The following DSCAM variants were observed in gnomAD, a reference collection of about 807,000 sequenced individuals.
DSCAM encodes cell adhesion molecule DSCAM.
A neutral mutation model predicts 217.7 loss-of-function variants in DSCAM; 47 were observed. That is an observed-to-expected ratio of 0.22 (90% CI 0.17 to 0.28). DSCAM has a LOEUF of 0.28. Ranked by LOEUF, DSCAM falls within the 10% of genes least tolerant of loss-of-function variation. The probability of loss-of-function intolerance (pLI) is 1.00; values close to 1 mark genes in which losing one functional copy is unlikely to be tolerated. For missense variants in DSCAM, 2,080 were observed against 2,618.3 expected (o/e 0.79, Z 4.49); for synonymous variants, 1,056 against 1,015.3 (o/e 1.04, Z -0.76).
chr21:40,511,719 C>T (rs569087777), intron 3 of DSCAM, among the ~76,000 whole-genome samples: 208 of 151,900 alleles, frequency 1.4e-3, no homozygotes, highest in Non-Finnish European at 2.3e-3. Flanking sequence ...CGGCCGGGCG[C>T]GGTGGCTCAC....
chr21:40,431,728 G>GCTA lies in DSCAM; in HGVS notation c.509-62486_509-62484dup, dbSNP rs1185392189. Among the ~76,000 whole-genome samples, 11 of 152,286 alleles carry GCTA rather than the reference G, an allele frequency of 7.2e-5. No homozygotes were observed. In the East Asian group the frequency reaches 2.1e-3, roughly 29 times the overall value. On this transcript the variant is annotated intron_variant, in intron 3 of 32. Coordinates refer to ENST00000400454, the MANE Select transcript of DSCAM (RefSeq NM_001389.5). The stretch of plus-strand genomic sequence containing the variant: ...CAGTAAGGCTTCCAGTCAGCAGTAG[G>GCTA]CTACTATATTGAAGTTTTGGGGAGT...
chr21:40,202,022 T>C lies in DSCAM; in HGVS notation c.2357-12784A>G, dbSNP rs577500383. Among the ~76,000 whole-genome samples the C allele has an allele frequency of 2.6e-5, 4 of 152,340 alleles. No homozygotes were observed. The South Asian group carries it at 6.2e-4, about 24-fold the overall frequency. ...CAGATTATAAAAGGACTGTAGCTTCTACCTTCTACTTGGGTGCCCCAGTTC... is the reference window on the plus strand; with the variant it reads ...CAGATTATAAAAGGACTGTAGCTTCCACCTTCTACTTGGGTGCCCCAGTTC... On this transcript the variant is annotated intron_variant, in intron 11 of 32. Coordinates refer to ENST00000400454, the MANE Select transcript of DSCAM (RefSeq NM_001389.5).
At chr21:40,575,389 C>T (rs1227900624) in intron 3 of DSCAM, among the ~76,000 whole-genome samples, 1 of 152,072 alleles carries the variant, frequency 6.6e-6, no homozygotes, top group African/African-American at 2.4e-5. Flanking sequence ...TTGGTGATCT[C>T]TTCACACGGA....
intron 20 of DSCAM, among the ~76,000 whole-genome samples, chr21:40,104,045 C>A (rs1379690653): frequency 2.6e-5 from 4 of 152,066 alleles, no homozygotes; most frequent in African/African-American, 9.7e-5. Context: ...GAATTAGAAG[C>A]ACCATCCAAT....
intron 3 of DSCAM, among the ~76,000 whole-genome samples, chr21:40,640,271 T>G (rs1244675149): frequency 1.3e-5 from 2 of 149,984 alleles, no homozygotes; most frequent in Non-Finnish European, 2.9e-5. Context: ...TGCAGCTTGC[T>G]CCATCCCTGA....
intron 11 of DSCAM, among the ~76,000 whole-genome samples, chr21:40,250,261 A>C (rs2073284336): frequency 6.6e-6 from 1 of 152,188 alleles, no homozygotes; most frequent in Admixed American, 6.5e-5. Flanking sequence ...GACATCTCTG[A>C]AAAACTTCTA....
intron 1 of DSCAM, among the ~76,000 whole-genome samples, chr21:40,747,031 C>A (rs1030273835): frequency 3.3e-5 from 5 of 151,720 alleles, no homozygotes; most frequent in African/African-American, 1.2e-4. Flanking sequence ...AATATGCACA[C>A]AACATACCAA....
chr21:40,339,533 G>A, intron 6 of DSCAM, 118 bp from the exon 7 acceptor site: 3 of 1,091,126 alleles, frequency 2.7e-6, no homozygotes, highest in South Asian at 3.3e-5. Flanking sequence ...TACCAAAAAG[G>A]TCTGGTTTTC....
chr21:40,784,459 A>T (rs113226239), intron 1 of DSCAM, among the ~76,000 whole-genome samples: 154 of 152,284 alleles, frequency 1.0e-3, no homozygotes, highest in African/African-American at 3.5e-3. Context: ...AGTCTCAGGT[A>T]TGTCTTTATC....
intron 11 of DSCAM, among the ~76,000 whole-genome samples, chr21:40,251,220 G>T (rs1305820793): frequency 6.6e-6 from 1 of 152,156 alleles, no homozygotes; most frequent in Non-Finnish European, 1.5e-5. Context: ...CCACTAAAAG[G>T]CACATAGCAG....
At chr21:40,769,094 A>G (rs1601237458) in intron 1 of DSCAM, among the ~76,000 whole-genome samples, 3 of 147,896 alleles carry the variant, frequency 2.0e-5, no homozygotes. Context: ...TGAAAGGCTC[A>G]TGGGGGCCCT....
chr21:40,759,445 T>C lies in DSCAM; in HGVS notation c.44-50674A>G, dbSNP rs573534352. ...AGCCTGAATAAAAAAACCAACTGAA[T>C]GATCTTTAAAGTGCACGTGACTCGC... On this transcript the variant is annotated intron_variant, in intron 1 of 32. Transcript: ENST00000400454. Among the ~76,000 whole-genome samples the C allele has an allele frequency of 2.5e-3, 375 of 152,338 alleles. 1 individual carries two copies. The highest frequency in any genetic ancestry group is 4.5e-3 in the Non-Finnish European group (303 of 68,028).
intron 3 of DSCAM, among the ~76,000 whole-genome samples, chr21:40,451,118 G>C (rs1326711082): frequency 6.6e-6 from 1 of 152,196 alleles, no homozygotes; most frequent in East Asian, 1.9e-4. Context: ...AGTCATCTCT[G>C]GGCATTCAGC....
chr21:40,799,919 C>A (rs529560993), intron 1 of DSCAM, among the ~76,000 whole-genome samples: 142 of 152,264 alleles, frequency 9.3e-4, no homozygotes, highest in African/African-American at 3.4e-3. Context: ...GAATGTTTGT[C>A]CCCTCTGAAA....
In DSCAM at chr21:40,485,331, C is replaced by T. The variant is rs1248437380; in HGVS notation, c.509-116086G>A. Among the ~76,000 whole-genome samples, 15 of 151,174 alleles carry T rather than the reference C, an allele frequency of 9.9e-5. No homozygotes were observed. In the South Asian group the frequency reaches 2.9e-3, roughly 30 times the overall value. On this transcript the variant is annotated intron_variant, in intron 3 of 32. Coordinates refer to ENST00000400454, the MANE Select transcript of DSCAM (RefSeq NM_001389.5). ...GATCTCGGCTCACTGCAAGCTCCGC[C>T]TCCCAGGTTCACGCCATTCTCCTGC...
chr21:40,749,534 C>A (rs996259660), intron 1 of DSCAM, among the ~76,000 whole-genome samples: 2 of 152,108 alleles, frequency 1.3e-5, no homozygotes, highest in African/African-American at 4.8e-5. Flanking sequence ...TATCCCTTCA[C>A]CTTAGAATGG....
chr21:40,253,438 T>C (rs1420732344), intron 11 of DSCAM, among the ~76,000 whole-genome samples: 1 of 152,168 alleles, frequency 6.6e-6, no homozygotes, highest in Non-Finnish European at 1.5e-5. Flanking sequence ...TGTCTTCAGT[T>C]ACTCACAACA....
intron 3 of DSCAM, among the ~76,000 whole-genome samples, chr21:40,421,596 TC>T (rs541713422): frequency 1.2e-3 from 176 of 152,360 alleles, no homozygotes; most frequent in Non-Finnish European, 1.8e-3. Context: ...AATAACCCTG[TC>T]CCAGAGCCTT....
chr21:40,331,194 C>A (rs1377204793), intron 8 of DSCAM, among the ~76,000 whole-genome samples: 1 of 152,160 alleles, frequency 6.6e-6, no homozygotes, highest in Non-Finnish European at 1.5e-5. Context: ...AAAGACCTTT[C>A]CTTGCCAACA....
Sources: allele counts gnomAD v4.1 joint callset (sites outside exome capture counted in the v4.1 genomes callset), GRCh38; gene constraint gnomAD v4.1.1; transcripts MANE v1.5; gene names NCBI Gene and HGNC (gene_info 2026-07-23, HGNC 2026-07-21).